The following TUSC3 variants were observed in gnomAD, a reference collection of about 807,000 sequenced individuals.
The protein encoded by TUSC3 is tumor suppressor candidate 3.
A neutral mutation model predicts 44.8 loss-of-function variants in TUSC3; 45 were observed. That is an observed-to-expected ratio of 1.00 (90% confidence interval 0.79 to 1.29). TUSC3 has a LOEUF of 1.29. Ranked by LOEUF, TUSC3 falls within the 50% of genes most tolerant of loss-of-function variation. The probability of loss-of-function intolerance (pLI) is 0.00; values close to 1 mark genes in which losing one functional copy is unlikely to be tolerated. For synonymous variants in TUSC3, 212 were observed against 152.9 expected, an observed-to-expected ratio of 1.39 and a Z score of -2.85; for missense variants, 519 against 437.9, an observed-to-expected ratio of 1.19 and a Z score of -1.65.
At position 15,577,279 on chromosome 8, in the gene TUSC3, G is replaced by C. The variant is rs1267696743; in HGVS notation, c.138+36711G>C. On this transcript the variant is annotated intron_variant, in intron 1 of 10. Coordinates refer to ENST00000503731, the MANE Select transcript of TUSC3 (RefSeq NM_006765.4). The stretch of plus-strand genomic sequence containing the variant: ...TTGTAGGTTGCCTGTTCACTCTGAT[G>C]GTAGTTTCTTTTGCTGTGCAGAAGC... 8.8e-5 allele frequency among the ~76,000 whole-genome samples: 13 copies of C among 147,910 alleles called. 1 individual carries two copies.
chr8:15,570,953 A>ATTTTTTTTTTTTTTTTTTTTT (rs1491358652), intron 1 of TUSC3, among the ~76,000 whole-genome samples: 1 of 24,360 alleles, frequency 4.1e-5, no homozygotes, highest in Non-Finnish European at 1.4e-4. Flanking sequence ...ATTGCCTATT[A>ATTTTTTTTTTTTTTTTTTTTT]GTTTTTTTTT....
intron 1 of TUSC3, 22 bp from the exon 2 acceptor site, chr8:15,623,058 T>TA (rs1805322903): frequency 6.2e-7 from 1 of 1,612,340 alleles, no homozygotes; most frequent in Admixed American, 1.7e-5. Flanking sequence ...TTGTAAATGT[T>TA]AATTTCTGTG....
intron 1 of TUSC3, among the ~76,000 whole-genome samples, chr8:15,474,060 C>T (rs573615274): frequency 1.1e-4 from 16 of 152,216 alleles, no homozygotes; most frequent in Middle Eastern, 3.4e-3. Flanking sequence ...TTCTTCCCCA[C>T]GGTATTAATT....
chr8:15,725,348 A>C (rs1295857701), intron 6 of TUSC3, among the ~76,000 whole-genome samples: 2 of 152,200 alleles, frequency 1.3e-5, no homozygotes, highest in Non-Finnish European at 2.9e-5. Context: ...TAACTAAAGC[A>C]GTCATTGTTA....
At chr8:15,448,256 T>C (rs1282374199) in intron 1 of TUSC3, among the ~76,000 whole-genome samples, 1 of 151,748 alleles carries the variant, frequency 6.6e-6, no homozygotes, top group Non-Finnish European at 1.5e-5. Flanking sequence ...GTAGCTGAGA[T>C]CACAGATGTG....
intron 6 of TUSC3, 22 bp downstream of exon 6, chr8:15,673,858 G>A: frequency 6.3e-7 from 1 of 1,581,058 alleles, no homozygotes; most frequent in African/African-American, 1.3e-5. Flanking sequence ...TTATAAGCAT[G>A]AATATTCTGA....
chr8:15,573,646 C>G (rs1169037917), intron 1 of TUSC3, among the ~76,000 whole-genome samples: 3 of 151,958 alleles, frequency 2.0e-5, no homozygotes, highest in Non-Finnish European at 4.4e-5. Flanking sequence ...TTTATGAACC[C>G]TCAGACTTTT....
intron 1 of TUSC3, among the ~76,000 whole-genome samples, chr8:15,434,134 T>C (rs2129117303): frequency 6.6e-6 from 1 of 152,324 alleles, no homozygotes; most frequent in Non-Finnish European, 1.5e-5. Flanking sequence ...TTATCAAACT[T>C]AAACTTTAGC....
the TUSC3 span, among the ~76,000 whole-genome samples, chr8:15,799,557 T>G: frequency 5.9e-5 from 9 of 152,266 alleles, no homozygotes; most frequent in East Asian, 1.5e-3. Flanking sequence ...CCCTTCCCAG[T>G]TTTTCCTCGT....
At chr8:15,615,664 A>G (rs556688180) in intron 1 of TUSC3, among the ~76,000 whole-genome samples, 43 of 152,316 alleles carry the variant, frequency 2.8e-4, no homozygotes, top group African/African-American at 9.4e-4. Flanking sequence ...GAGGTGATAC[A>G]TATTCTAATT....
chr8:15,684,032 A>G (rs1808523742), intron 6 of TUSC3, among the ~76,000 whole-genome samples: 1 of 146,258 alleles, frequency 6.8e-6, no homozygotes, highest in South Asian at 2.2e-4. Context: ...TTAAGAGATA[A>G]GGGCCTGAAA....
intron 1 of TUSC3, among the ~76,000 whole-genome samples, chr8:15,614,963 A>T (rs1219637487): frequency 1.3e-5 from 2 of 150,662 alleles, no homozygotes; most frequent in East Asian, 3.9e-4. Flanking sequence ...CCACCCCAAA[A>T]TTCGGAAAAG....
In TUSC3 at chr8:15,613,940, G is replaced by C. The variant is rs529882244; in HGVS notation, c.139-9140G>C. Reference sequence around the variant, plus strand: ...TTAGGCCTTTGAGATCTAATTTAGAGATTCACTCATTTTCCCTGTGTTATC... The same window carrying C: ...TTAGGCCTTTGAGATCTAATTTAGACATTCACTCATTTTCCCTGTGTTATC... On this transcript the variant is annotated intron_variant, in intron 1 of 10. Coordinates refer to ENST00000503731, the MANE Select transcript of TUSC3 (RefSeq NM_006765.4). Among the ~76,000 whole-genome samples the C allele has an allele frequency of 3.2e-4, 48 of 151,802 alleles. 1 individual carries two copies. Among genetic ancestry groups the C allele is most frequent in the African/African-American group, 9.4e-4 (39 of 41,406 alleles).
intron 2 of TUSC3, among the ~76,000 whole-genome samples, chr8:15,517,992 ACC>A (rs66742425): frequency 2.0e-5 from 3 of 151,746 alleles, no homozygotes; most frequent in South Asian, 2.1e-4. Context: ...ACAAAAAAAA[ACC>A]CCCATACACA....
At chr8:15,663,745 C>G (rs943839170) in intron 5 of TUSC3, among the ~76,000 whole-genome samples, 6 of 151,808 alleles carry the variant, frequency 4.0e-5, no homozygotes, top group Non-Finnish European at 7.4e-5. Context: ...TTATTGGACA[C>G]TATGGATGAT....
intron 1 of TUSC3, among the ~76,000 whole-genome samples, chr8:15,476,582 G>T (rs1028006923): frequency 6.6e-6 from 1 of 152,188 alleles, no homozygotes; most frequent in African/African-American, 2.4e-5. Flanking sequence ...GTTACCAGGG[G>T]TGGGTGTCCA....
At chr8:15,476,889 C>G (rs1471131076) in intron 1 of TUSC3, among the ~76,000 whole-genome samples, 1 of 152,214 alleles carries the variant, frequency 6.6e-6, no homozygotes, top group African/African-American at 2.4e-5. Flanking sequence ...AGTGAAGTTA[C>G]AAAGGTTACA....
chr8:15,806,542 A>G, the TUSC3 span: 1 of 1,425,128 alleles, frequency 7.0e-7, no homozygotes, highest in East Asian at 2.3e-5. Context: ...ATCTTACAAA[A>G]TCACAGAGCT....
chr8:15,750,293 C>T (rs1162864897), intron 9 of TUSC3, among the ~76,000 whole-genome samples: 6 of 151,926 alleles, frequency 3.9e-5, no homozygotes, highest in Non-Finnish European at 7.4e-5. Context: ...TTCTTAAGCC[C>T]TATTTAGTTG....
Sources: gnomAD v4.1 joint callset for allele counts (sites outside exome capture counted in the v4.1 genomes callset) on GRCh38, gnomAD v4.1.1 for gene constraint, MANE v1.5 for transcripts, NCBI Gene and HGNC (gene_info 2026-07-23, HGNC 2026-07-21) for gene names.